SYNJ2: variants seen among roughly 807,000 people sequenced by gnomAD.
SYNJ2 encodes polyphosphatidylinositol phosphatase SYNJ2.
In SYNJ2, 116 loss-of-function variants were observed where a neutral mutation model predicts 141.3. That is an observed-to-expected ratio of 0.82 (90% CI 0.71 to 0.96). SYNJ2 has a LOEUF of 0.96. Among genes scored for constraint, SYNJ2 ranks in the 40% least tolerant of loss-of-function variants. The pLI, the probability that SYNJ2 is intolerant of heterozygous loss-of-function variation, is 0.00. For synonymous variants in SYNJ2, 745 were observed against 777.7 expected, an observed-to-expected ratio of 0.96 and a Z score of 0.70; for missense variants, 1,873 against 1,934.8, an observed-to-expected ratio of 0.97 and a Z score of 0.60.
chr6:158,052,227 A>C (rs1780609211), intron 5 of SYNJ2, among the ~76,000 whole-genome samples: 1 of 152,232 alleles, frequency 6.6e-6, no homozygotes, highest in African/African-American at 2.4e-5. Flanking sequence ...TTAACTACTT[A>C]TTCTTGAAAT....
intron 20 of SYNJ2, 136 bp from the exon 21 acceptor site, chr6:158,083,293 G>A (rs1230505432): frequency 1.9e-6 from 2 of 1,047,452 alleles, no homozygotes; most frequent in African/African-American, 3.2e-5. Context: ...GTGAGGTCTG[G>A]ACCCTTGGTT....
chr6:158,013,106 G>A (rs916031124), intron 1 of SYNJ2, among the ~76,000 whole-genome samples: 2 of 152,192 alleles, frequency 1.3e-5, no homozygotes, highest in Non-Finnish European at 2.9e-5. Flanking sequence ...TTTTGGCCAG[G>A]CACAGTGGCT....
At chr6:157,983,778 A>G (rs1410901225) in intron 1 of SYNJ2, among the ~76,000 whole-genome samples, 1 of 152,196 alleles carries the variant, frequency 6.6e-6, no homozygotes, top group Non-Finnish European at 1.5e-5. Flanking sequence ...TGTGCAGTCC[A>G]CATTTGTCAT....
chr6:158,026,744 A>G lies in SYNJ2; in HGVS notation c.215-2012A>G, dbSNP rs911444678. The G allele has an allele frequency of 1.2e-5, 10 of 831,976 alleles. No homozygotes were observed. In the East Asian group the frequency reaches 1.1e-3, roughly 92 times the overall value. The allele number at this position is 831,976 out of a possible 1,614,324, so 51.5% of individuals were successfully genotyped here. A position where few individuals can be genotyped will look rare whatever the true frequency, so the allele number is the denominator to read the frequency against. Reference sequence around the variant, plus strand: ...GGAGTGATGTCATGCAAAATTTTCCATAGCTCTGGCAGCCACAGGGGCCAT... The same window carrying G: ...GGAGTGATGTCATGCAAAATTTTCCGTAGCTCTGGCAGCCACAGGGGCCAT... On this transcript the variant is annotated intron_variant, in intron 2 of 26. Coordinates refer to ENST00000355585, the MANE Select transcript of SYNJ2 (RefSeq NM_003898.4).
intron 4 of SYNJ2, among the ~76,000 whole-genome samples, chr6:158,034,425 T>TC (rs994978910): frequency 2.2e-4 from 33 of 152,240 alleles, no homozygotes; most frequent in African/African-American, 7.5e-4. Context: ...TGGCTGTGCG[T>TC]CCCCCCTCGC....
rs764322131 is a variant in SYNJ2 at position 158,068,680 on chromosome 6, G to A, written c.1751G>A (p.Gly584Glu). 4.3e-6 allele frequency: 7 copies of A among 1,614,258 alleles called. No homozygotes were observed. The highest frequency in any genetic ancestry group is 1.3e-5 in the African/African-American group (1 of 75,066). The change falls in exon 13 of 27, where the codon GGG (glycine) becomes GAG (glutamate). Residue 584 changes from glycine (G) to glutamate (E), a missense_variant. Coordinates refer to ENST00000355585, the MANE Select transcript of SYNJ2 (RefSeq NM_003898.4). ...AGCCCAGCTGACATATTTGCTGTGG[G>A]GTTTGAAGAGATGGTGGAATTGAGC... is the stretch of plus-strand genomic sequence containing the variant. The part of the protein sequence containing the change: ...DSSPADIFAV[G>E]FEEMVELSAG...
rs1779086563 is a variant in SYNJ2 at position 158,027,088 on chromosome 6, G to GCT, written c.215-1666_215-1665dup. 2.0e-6 allele frequency: 2 copies of GCT among 985,358 alleles called. No homozygotes were observed. Among genetic ancestry groups the GCT allele is most frequent in the African/African-American group, 3.5e-5 (2 of 57,292 alleles). The allele number at this position is 985,358 out of a possible 1,614,324, so 61.0% of individuals were successfully genotyped here. Reference sequence around the variant, plus strand: ...CAGCAGGCCCCTGGGAGCCCTGAGCGCTCATTAAAGGAACGCACTTTAATG... The same window carrying GCT: ...CAGCAGGCCCCTGGGAGCCCTGAGCGCTCTCATTAAAGGAACGCACTTTAATG... On this transcript the variant is annotated intron_variant, in intron 2 of 26. Coordinates refer to ENST00000355585, the MANE Select transcript of SYNJ2 (RefSeq NM_003898.4). The surrounding 1 kb of genome is among the most constrained non-coding windows in gnomAD (Gnocchi z 4.6).
intron 2 of SYNJ2, among the ~76,000 whole-genome samples, chr6:158,023,651 G>A (rs756071): frequency 0.38 from 57,759 of 151,996 alleles, 11,283 homozygotes; most frequent in Middle Eastern, 0.5. Flanking sequence ...TTAGGGTAGA[G>A]GGTAGGCCCT....
intron 6 of SYNJ2, among the ~76,000 whole-genome samples, chr6:158,057,834 G>T (rs1175738616): frequency 1.3e-5 from 2 of 152,218 alleles, no homozygotes; most frequent in African/African-American, 2.4e-5. Flanking sequence ...CCTTCTCTGG[G>T]CAGACCGACC....
intron 1 of SYNJ2, among the ~76,000 whole-genome samples, chr6:157,991,450 C>T (rs1350824462): frequency 3.9e-5 from 6 of 152,150 alleles, no homozygotes; most frequent in African/African-American, 1.4e-4. Flanking sequence ...ACCAGGATCT[C>T]GCATCAGCTT....
intron 1 of SYNJ2, among the ~76,000 whole-genome samples, chr6:157,987,598 C>T (rs1052236542): frequency 3.9e-5 from 6 of 152,028 alleles, no homozygotes; most frequent in African/African-American, 1.2e-4. Context: ...GATGGGGTTT[C>T]GCCGTGTTGG....
chr6:158,003,508 C>T (rs1198610272), intron 1 of SYNJ2, among the ~76,000 whole-genome samples: 1 of 152,184 alleles, frequency 6.6e-6, no homozygotes, highest in East Asian at 1.9e-4. Context: ...CCTCTTGAGA[C>T]CCTGAAATAC....
chr6:158,063,272 G>A (rs958739202), intron 8 of SYNJ2, among the ~76,000 whole-genome samples: 3 of 152,184 alleles, frequency 2.0e-5, no homozygotes, highest in African/African-American at 7.2e-5. Context: ...GCAGGCTACT[G>A]AGTGTGTGTC....
At chr6:158,087,104 G>A in intron 23 of SYNJ2, 115 bp downstream of exon 23, 1 of 1,250,312 alleles carries the variant, frequency 8.0e-7, no homozygotes, top group Non-Finnish European at 1.1e-6. Flanking sequence ...GGTCCCCACA[G>A]GGCTTCCTCC....
chr6:158,029,042 C>CCCTGCAGAGGGTGGGCCCTGGTCT lies in SYNJ2; in HGVS notation c.485+37_485+38insTCTCCTGCAGAGGGTGGGCCCTGG. ...CCTTCTTCTGGTGAGGCCCTGGGTC[C>CCCTGCAGAGGGTGGGCCCTGGTCT]CCTGCAGAGGGTGGGCCCTGGGTCT... On this transcript the variant is annotated intron_variant, in intron 3 of 26. Transcript: ENST00000355585. The CCCTGCAGAGGGTGGGCCCTGGTCT allele has an allele frequency of 1.9e-6, 3 of 1,560,662 alleles. No individual in the cohort carries two copies. Among genetic ancestry groups the CCCTGCAGAGGGTGGGCCCTGGTCT allele is most frequent in the Non-Finnish European group, 2.6e-6 (3 of 1,151,792 alleles).
At chr6:158,093,450 C>CAAA (rs397886739) in intron 26 of SYNJ2, among the ~76,000 whole-genome samples, 1 of 88,040 alleles carries the variant, frequency 1.1e-5, no homozygotes, top group Admixed American at 9.8e-5. Context: ...AAAAAAAAAA[C>CAAA]AAAAAAAAAA....
chr6:157,981,946 A>G lies in SYNJ2; in HGVS notation c.-16A>G. 1 of 1,227,048 alleles carries G rather than the reference A, an allele frequency of 8.1e-7. No individual in the cohort carries two copies. The allele number at this position is 1,227,048 out of a possible 1,614,324, so 76.0% of individuals were successfully genotyped here. A position where few individuals can be genotyped will look rare whatever the true frequency, so the allele number is the denominator to read the frequency against. On this transcript the variant is annotated 5_prime_UTR_variant, in exon 1 of 27. Coordinates refer to ENST00000355585, the MANE Select transcript of SYNJ2 (RefSeq NM_003898.4). This position sits in a 1 kb window ranked among gnomAD's most constrained non-coding sequence, Gnocchi z 6.4. ...GGACGTGGCCCCGGCCCCCGCCCGC[A>G]GTGGGCCCGACCCTCATGGCCCTGA...
chr6:158,094,085 GA>G, intron 26 of SYNJ2: 1 of 704,334 alleles, frequency 1.4e-6, no homozygotes, highest in Non-Finnish European at 2.6e-6. Context: ...CCCCCCTAGA[GA>G]GTGTGAGGGG....
At chr6:157,992,224 TTTTA>T (rs1295155967) in intron 1 of SYNJ2, among the ~76,000 whole-genome samples, 10 of 152,158 alleles carry the variant, frequency 6.6e-5, no homozygotes, top group Admixed American at 3.9e-4. Context: ...TTCCTTTTAT[TTTTA>T]TTTGTTTTAC....
Sources: gnomAD v4.1 joint callset for allele counts (sites outside exome capture counted in the v4.1 genomes callset) on GRCh38, gnomAD v4.1.1 for gene constraint, Gnocchi (gnomAD v3.1) non-coding constraint, MANE v1.5 for transcripts, NCBI Gene and HGNC (gene_info 2026-07-23, HGNC 2026-07-21) for gene names.